BRD10: variants seen among roughly 807,000 people sequenced by gnomAD.
BRD10 encodes the protein uncharacterized bromodomain-containing protein 10.
At chr9:5,999,508 T>C in the BRD10 span, among the ~76,000 whole-genome samples, 1 of 152,098 alleles carries the variant, frequency 6.6e-6, no homozygotes, top group South Asian at 2.1e-4. Flanking sequence ...CCTTCTCTAA[T>C]TCATTTCATC....
At chr9:5,975,085 T>C in the BRD10 span, among the ~76,000 whole-genome samples, 5 of 152,034 alleles carry the variant, frequency 3.3e-5, no homozygotes, top group African/African-American at 9.6e-5. Context: ...TGCAGAAAAA[T>C]GACCCATGAT....
chr9:5,941,637 G>C, the BRD10 span, among the ~76,000 whole-genome samples: 1 of 152,124 alleles, frequency 6.6e-6, no homozygotes, highest in Admixed American at 6.5e-5. Context: ...AACAAAATTA[G>C]TTGCTTTGCA....
chr9:6,008,079 C>A, the BRD10 span: 1 of 984,180 alleles, frequency 1.0e-6, no homozygotes, highest in Middle Eastern at 5.3e-4. Context: ...CCGGCCTCAC[C>A]CCTCCGCACC....
At chr9:5,943,514 A>C in the BRD10 span, among the ~76,000 whole-genome samples, 2 of 151,786 alleles carry the variant, frequency 1.3e-5, no homozygotes, top group Non-Finnish European at 2.9e-5. Context: ...CCCATTAAGG[A>C]ACAGAATTAG....
chr9:5,925,977 G>A, the BRD10 span, among the ~76,000 whole-genome samples: 11 of 152,154 alleles, frequency 7.2e-5, no homozygotes, highest in East Asian at 2.1e-3. Flanking sequence ...GAGTGGAGTG[G>A]CACAATCTCG....
chr9:5,980,456 C>T, the BRD10 span, among the ~76,000 whole-genome samples: 17 of 152,174 alleles, frequency 1.1e-4, no homozygotes, highest in African/African-American at 4.1e-4. Flanking sequence ...GATTTTAAAT[C>T]TGGCAATCTA....
chr9:5,969,368 T>C, the BRD10 span: 1 of 1,610,002 alleles, frequency 6.2e-7, no homozygotes, highest in Non-Finnish European at 8.5e-7. Flanking sequence ...AGCTAGAAGT[T>C]TTCTTTCCCA....
the BRD10 span, among the ~76,000 whole-genome samples, chr9:6,005,089 T>C: frequency 6.6e-6 from 1 of 152,242 alleles, no homozygotes; most frequent in Non-Finnish European, 1.5e-5. Flanking sequence ...AATTTCTAAA[T>C]ATGGATACTA....
the BRD10 span, among the ~76,000 whole-genome samples, chr9:5,883,416 T>C: frequency 6.6e-6 from 1 of 151,700 alleles, no homozygotes; most frequent in Non-Finnish European, 1.5e-5. Flanking sequence ...CATGAATTCT[T>C]GCTACCTGTA....
At chr9:5,992,891 C>T in the BRD10 span, among the ~76,000 whole-genome samples, 2 of 149,564 alleles carry the variant, frequency 1.3e-5, no homozygotes, top group Non-Finnish European at 1.5e-5. Context: ...TACTCCCCTA[C>T]TAAAAATAGA....
At chr9:5,887,121 T>C in the BRD10 span, among the ~76,000 whole-genome samples, 1,892 of 152,212 alleles carry the variant, frequency 0.012, 32 homozygotes, top group African/African-American at 0.043. Context: ...TAGCTGGGCA[T>C]GGTGGTGCAT....
At chr9:5,968,696 A>G in the BRD10 span, 1 of 1,613,792 alleles carries the variant, frequency 6.2e-7, no homozygotes, top group South Asian at 1.1e-5. Context: ...GTCACACTTC[A>G]ATTTCTCCAA....
chr9:5,970,408 AAT>A, the BRD10 span, among the ~76,000 whole-genome samples: 4 of 152,152 alleles, frequency 2.6e-5, no homozygotes, highest in African/African-American at 7.2e-5. Flanking sequence ...GGTTAATAGG[AAT>A]ATGAGTGCTT....
the BRD10 span, chr9:5,929,147 G>A: frequency 2.6e-6 from 4 of 1,554,822 alleles, no homozygotes; most frequent in South Asian, 2.3e-5. Context: ...TGCCTCCGAT[G>A]ATACCATTTT....
the BRD10 span, among the ~76,000 whole-genome samples, chr9:5,901,747 C>G: frequency 6.6e-6 from 1 of 152,042 alleles, no homozygotes; most frequent in Non-Finnish European, 1.5e-5. Context: ...GTCTCAAACT[C>G]CTGAGCACAA....
chr9:5,947,244 A>G, the BRD10 span, among the ~76,000 whole-genome samples: 6 of 152,146 alleles, frequency 3.9e-5, no homozygotes, highest in African/African-American at 1.4e-4. Flanking sequence ...GGATCTTAAT[A>G]AAACAGTTTT....
At chr9:5,975,927 A>T in the BRD10 span, among the ~76,000 whole-genome samples, 1 of 152,254 alleles carries the variant, frequency 6.6e-6, no homozygotes, top group South Asian at 2.1e-4. Flanking sequence ...AGAAAAGAAC[A>T]AAATTAAGAA....
the BRD10 span, among the ~76,000 whole-genome samples, chr9:5,893,261 G>A: frequency 1.3e-5 from 2 of 152,288 alleles, no homozygotes; most frequent in Non-Finnish European, 2.9e-5. Flanking sequence ...TATGTGCTGG[G>A]AGTGGGAAAG....
At chr9:5,914,535 T>C in the BRD10 span, among the ~76,000 whole-genome samples, 1 of 143,472 alleles carries the variant, frequency 7.0e-6, no homozygotes, top group Non-Finnish European at 1.5e-5. Flanking sequence ...GCCATTCTCC[T>C]GCCTCAGCCT....
Sources: allele counts gnomAD v4.1 joint callset (sites outside exome capture counted in the v4.1 genomes callset), GRCh38; gene constraint gnomAD v4.1.1; transcripts MANE v1.5; gene names NCBI Gene and HGNC (gene_info 2026-07-23, HGNC 2026-07-21).